MYZAP: variants seen among roughly 807,000 people sequenced by gnomAD.
MYZAP encodes GRINL1A complex locus upstream.
In MYZAP, 66 loss-of-function variants were observed where a neutral mutation model predicts 69.4. The observed-to-expected ratio is 0.95, with a 90% CI of 0.78 to 1.17. MYZAP has a LOEUF of 1.17. Ranked by LOEUF, MYZAP falls within the 50% of genes most tolerant of loss-of-function variation. The pLI is 0.00. For synonymous variants in MYZAP, 256 were observed against 205.9 expected (o/e 1.24, Z -2.09); for missense variants, 611 against 556.2 (o/e 1.10, Z -0.99).
chr15:57,633,620 C>G lies in MYZAP; in HGVS notation c.812C>G (p.Thr271Ser), dbSNP rs373898639. The change falls in exon 8 of 13, where the codon ACC becomes AGC. Residue 271 changes from threonine to serine, a missense_variant. Coordinates refer to ENST00000267853, the MANE Select transcript of MYZAP (RefSeq NM_001018100.5). ...SAEKEALLEETNSFLKAIEEA... is the reference protein window; with the variant it reads ...SAEKEALLEESNSFLKAIEEA... ...GGTATATTTCTTTTGCAGGAAGAAA[C>G]CAATAGTTTTCTGAAAGCGATTGAA... 1 of 1,612,210 alleles carries G rather than the reference C, an allele frequency of 6.2e-7. No homozygotes were observed. Among genetic ancestry groups the G allele is most frequent in the Non-Finnish European group, 8.5e-7 (1 of 1,179,220 alleles).
intron 10 of MYZAP, chr15:57,647,996 G>A: frequency 1.0e-6 from 1 of 985,354 alleles, no homozygotes. Flanking sequence ...CTACAGCTCT[G>A]TCTCGTGGCC....
chr15:57,678,606 C>T (rs965985784), intron 12 of MYZAP, among the ~76,000 whole-genome samples: 3 of 151,950 alleles, frequency 2.0e-5, no homozygotes, highest in Non-Finnish European at 4.4e-5. Flanking sequence ...GTATATAGTA[C>T]TTCAGTATGC....
intron 10 of MYZAP, chr15:57,646,504 C>A: frequency 9.7e-7 from 1 of 1,030,544 alleles, no homozygotes; most frequent in Non-Finnish European, 1.2e-6. Context: ...TACTGAAAAA[C>A]CATTCAGAAA....
At chr15:57,646,636 C>A (rs2037460080) in intron 10 of MYZAP, 1 of 994,310 alleles carries the variant, frequency 1.0e-6, no homozygotes. Context: ...GTGCTCCCAC[C>A]AGATCACCCC....
intron 3 of MYZAP, among the ~76,000 whole-genome samples, chr15:57,618,580 A>G (rs1320876681): frequency 1.3e-5 from 2 of 152,310 alleles, no homozygotes; most frequent in African/African-American, 4.8e-5. Flanking sequence ...AACAAATGCT[A>G]GGAAGTCAAC....
chr15:57,616,034 A>AGG (rs2035418092), intron 2 of MYZAP, among the ~76,000 whole-genome samples: 1 of 152,196 alleles, frequency 6.6e-6, no homozygotes, highest in Non-Finnish European at 1.5e-5. Flanking sequence ...TAGCGCCCCT[A>AGG]CCCCATCCAT....
At chr15:57,647,231 C>G in intron 10 of MYZAP, 1 of 985,414 alleles carries the variant, frequency 1.0e-6, no homozygotes. Context: ...CAGATGAATA[C>G]TTTTCCGCAT....
chr15:57,627,421 G>A (rs1189953113), intron 5 of MYZAP, among the ~76,000 whole-genome samples: 12 of 149,706 alleles, frequency 8.0e-5, no homozygotes, highest in African/African-American at 2.7e-4. Context: ...AGGGGGAGGA[G>A]GAGGAGGAGG....
intron 4 of MYZAP, 79 bp from the exon 5 acceptor site, chr15:57,625,700 A>G: frequency 7.4e-7 from 1 of 1,343,436 alleles, no homozygotes. Context: ...TTCTAACAGA[A>G]GAAAGTTCCA....
At chr15:57,632,334 C>G (rs1371922174) in intron 6 of MYZAP, 100 bp from the exon 7 acceptor site, 2 of 1,563,612 alleles carry the variant, frequency 1.3e-6, no homozygotes, top group Non-Finnish European at 1.7e-6. Context: ...AGTGGATGGG[C>G]TCACTACCTC....
At chr15:57,683,677 T>G (rs908644340) in intron 12 of MYZAP, among the ~76,000 whole-genome samples, 5 of 152,208 alleles carry the variant, frequency 3.3e-5, no homozygotes, top group Non-Finnish European at 7.3e-5. Context: ...CTGGGATGTC[T>G]AAGACCAAGG....
chr15:57,595,754 G>C (rs1218405335), intron 1 of MYZAP, among the ~76,000 whole-genome samples: 3 of 152,136 alleles, frequency 2.0e-5, no homozygotes, highest in African/African-American at 7.2e-5. Context: ...CCCGTCACTG[G>C]CACAGAGAAA....
intron 10 of MYZAP, among the ~76,000 whole-genome samples, chr15:57,645,916 A>G (rs2037421753): frequency 6.6e-6 from 1 of 152,228 alleles, no homozygotes; most frequent in African/African-American, 2.4e-5. Context: ...AGTATCTGCC[A>G]TTTTTACATG....
intron 5 of MYZAP, among the ~76,000 whole-genome samples, chr15:57,628,965 C>T (rs2140424857): frequency 6.6e-6 from 1 of 152,048 alleles, no homozygotes; most frequent in South Asian, 2.1e-4. Context: ...CGCCTGTAGT[C>T]CCAGCTACTC....
In MYZAP at chr15:57,608,918, CT is replaced by C. The variant is rs527558877; in HGVS notation, c.162+4564del. Among the ~76,000 whole-genome samples, 498 of 152,276 alleles carry C rather than the reference CT, an allele frequency of 3.3e-3. 3 individuals carry two copies. The highest frequency in any genetic ancestry group is 0.011 in the African/African-American group (450 of 41,552). ...ATGTCTCAGTTTATCTAAGTCTTCC[CT>C]GTCCTTGAAGGCTCAGCTAAAGGCC... On this transcript the variant is annotated intron_variant, in intron 2 of 12. Transcript: ENST00000267853.
intron 10 of MYZAP, chr15:57,647,624 C>T (rs2733598): frequency 0.52 from 513,701 of 985,130 alleles, 134,966 homozygotes; most frequent in East Asian, 0.87. Flanking sequence ...GGCTATGAAC[C>T]GTACCTGGAG....
At chr15:57,653,900 G>A (rs1181368644) in intron 10 of MYZAP, among the ~76,000 whole-genome samples, 2 of 150,084 alleles carry the variant, frequency 1.3e-5, no homozygotes, top group African/African-American at 4.9e-5. Flanking sequence ...AGCTACTTGG[G>A]AGGCTGAGAT....
chr15:57,614,116 A>ACTGT (rs1486000399), intron 2 of MYZAP, among the ~76,000 whole-genome samples: 71 of 152,328 alleles, frequency 4.7e-4, no homozygotes, highest in African/African-American at 1.6e-3. Flanking sequence ...GTAAACATTA[A>ACTGT]CTGTCTGTTC....
chr15:57,664,975 A>G (rs1320197110), intron 11 of MYZAP, among the ~76,000 whole-genome samples: 3 of 152,240 alleles, frequency 2.0e-5, no homozygotes, highest in Non-Finnish European at 4.4e-5. Flanking sequence ...GGCTCATGGT[A>G]AATGCCATAT....
Sources: allele counts gnomAD v4.1 joint callset (sites outside exome capture counted in the v4.1 genomes callset), GRCh38; gene constraint gnomAD v4.1.1; transcripts MANE v1.5; gene names NCBI Gene and HGNC (gene_info 2026-07-23, HGNC 2026-07-21).